ANKFN1: variants seen among roughly 807,000 people sequenced by gnomAD.
ANKFN1 encodes ankyrin repeat and fibronectin type-III domain-containing protein 1.
ANKFN1 carries 74 observed loss-of-function variants against 108.7 expected under a neutral mutation model. That is an observed-to-expected ratio of 0.68 (90% CI 0.56 to 0.83). ANKFN1 has a LOEUF of 0.83. Among genes scored for constraint, ANKFN1 ranks in the 40% least tolerant of loss-of-function variants. The probability of loss-of-function intolerance (pLI) is 0.00; values close to 1 mark genes in which losing one functional copy is unlikely to be tolerated. For synonymous variants in ANKFN1, 547 were observed against 516.2 expected, an observed-to-expected ratio of 1.06 and a Z score of -0.81; for missense variants, 1,505 against 1,382.3, an observed-to-expected ratio of 1.09 and a Z score of -1.41.
rs569703627 is a variant in ANKFN1, at chr17:56,448,972, G to T, written c.1100-107G>T. On this transcript the variant is annotated intron_variant, in intron 10 of 20. Transcript: ENST00000682825. The stretch of plus-strand genomic sequence containing the variant: ...CTCTGCATGTGCGGGGTGCTCATCC[G>T]CAGAGACTGTGGGTAGTATGAGCAA... 9.5e-6 allele frequency: 8 copies of T among 845,598 alleles called. No homozygotes were observed. The East Asian group carries it at 1.3e-4, about 14-fold the overall frequency. 52.4% of individuals were successfully genotyped at this position (845,598 alleles called of 1,614,324 possible).
intron 1 of ANKFN1, among the ~76,000 whole-genome samples, chr17:56,181,433 C>G (rs540756778): frequency 6.6e-6 from 1 of 152,282 alleles, no homozygotes; most frequent in South Asian, 2.1e-4. Flanking sequence ...AACAACCTGA[C>G]AAGGAAGGCA....
At chr17:56,447,283 A>G (rs556867157) in intron 10 of ANKFN1, among the ~76,000 whole-genome samples, 40 of 152,342 alleles carry the variant, frequency 2.6e-4, no homozygotes, top group African/African-American at 9.4e-4. Context: ...TGAGGCAAAG[A>G]GAAATTAAGT....
At chr17:56,501,559 G>A (rs10515130) in intron 20 of ANKFN1, among the ~76,000 whole-genome samples, 82,337 of 152,078 alleles carry the variant, frequency 0.54, 27,046 homozygotes, top group East Asian at 0.87. Context: ...GGAACATTCC[G>A]TAAAAAAGAA....
intron 4 of ANKFN1, among the ~76,000 whole-genome samples, chr17:56,069,822 C>T (rs1354470655): frequency 6.6e-6 from 1 of 152,152 alleles, no homozygotes; most frequent in Non-Finnish European, 1.5e-5. Context: ...AATGGCTACT[C>T]CATAGACAGA....
intron 3 of ANKFN1, among the ~76,000 whole-genome samples, chr17:56,295,068 G>A (rs1232897664): frequency 6.6e-6 from 1 of 152,214 alleles, no homozygotes; most frequent in African/African-American, 2.4e-5. Flanking sequence ...ACAAAGAGGA[G>A]ACTGTGTTAA....
rs1447575722 is a variant in ANKFN1 at position 56,511,259 on chromosome 17, G to A, written c.3431G>A (p.Ser1144Asn). 2.6e-6 allele frequency: 4 copies of A among 1,524,754 alleles called. No individual in the cohort carries two copies. The Admixed American group carries it at 7.9e-5, about 30-fold the overall frequency. 94.5% of individuals were successfully genotyped at this position (1,524,754 alleles called of 1,614,324 possible). The change falls in exon 21 of 21, where the codon AGC (serine) becomes AAC (asparagine). Residue 1144 changes from serine to asparagine, a missense_variant. Coordinates refer to ENST00000682825, the MANE Select transcript of ANKFN1 (RefSeq NM_001370326.1). Reference sequence around the variant, plus strand: ...TCTCCCATGTCAGAAATACTCAGCAGCATGCTTTAGGGAGGCCCATCCCGG... The same window carrying A: ...TCTCCCATGTCAGAAATACTCAGCAACATGCTTTAGGGAGGCCCATCCCGG... ...TASPMSEILS[S>N]ML
chr17:56,055,098 A>C (rs1298927668), intron 4 of ANKFN1, among the ~76,000 whole-genome samples: 1 of 149,592 alleles, frequency 6.7e-6, no homozygotes, highest in Non-Finnish European at 1.5e-5. Flanking sequence ...CAGGGGGTGC[A>C]TGTGGTTGTT....
At chr17:56,162,991 C>T (rs1042387233) in intron 1 of ANKFN1, among the ~76,000 whole-genome samples, 3 of 150,606 alleles carry the variant, frequency 2.0e-5, no homozygotes, top group African/African-American at 4.9e-5. Context: ...GCCGAGATCG[C>T]GCCACTGCAC....
At chr17:56,242,091 GA>G (rs751774921) in intron 3 of ANKFN1, among the ~76,000 whole-genome samples, 11 of 151,028 alleles carry the variant, frequency 7.3e-5, no homozygotes, top group Non-Finnish European at 1.2e-4. Context: ...TTAAACCACA[GA>G]AAATGAAACT....
intron 3 of ANKFN1, among the ~76,000 whole-genome samples, chr17:56,306,826 T>A (rs1312914398): frequency 6.6e-6 from 1 of 152,092 alleles, no homozygotes; most frequent in Non-Finnish European, 1.5e-5. Context: ...GACTTCAAAC[T>A]ATACTACAAG....
intron 6 of ANKFN1, among the ~76,000 whole-genome samples, chr17:56,361,255 A>G (rs1224757654): frequency 6.6e-6 from 1 of 152,156 alleles, no homozygotes; most frequent in Non-Finnish European, 1.5e-5. Flanking sequence ...GTTAAAAGGT[A>G]TCTTTGATAG....
At chr17:56,115,331 G>A (rs1383688551) in intron 4 of ANKFN1, among the ~76,000 whole-genome samples, 1 of 152,140 alleles carries the variant, frequency 6.6e-6, no homozygotes, top group Admixed American at 6.5e-5. Context: ...GTAAGCAGAT[G>A]TTAAAGTGAA....
intron 4 of ANKFN1, among the ~76,000 whole-genome samples, chr17:56,053,131 G>A (rs529206649): frequency 3.9e-5 from 6 of 152,116 alleles, no homozygotes; most frequent in Admixed American, 3.3e-4. Context: ...TAGGGGCTTT[G>A]AGCATATATT....
intron 6 of ANKFN1, among the ~76,000 whole-genome samples, chr17:56,365,111 G>A (rs1651054209): frequency 6.6e-6 from 1 of 152,118 alleles, no homozygotes; most frequent in African/African-American, 2.4e-5. Context: ...GTTGTTAGAA[G>A]GTTGTCGCTT....
At chr17:56,298,955 G>A (rs1257546805) in intron 3 of ANKFN1, among the ~76,000 whole-genome samples, 1 of 152,182 alleles carries the variant, frequency 6.6e-6, no homozygotes, top group Non-Finnish European at 1.5e-5. Flanking sequence ...CCCCATCTCA[G>A]TGATACCAGC....
intron 1 of ANKFN1, among the ~76,000 whole-genome samples, chr17:56,186,997 G>C (rs377521278): frequency 5.3e-5 from 8 of 152,216 alleles, no homozygotes; most frequent in Admixed American, 3.9e-4. Context: ...AGAAAACCTA[G>C]GCAGTACCAT....
chr17:56,161,186 G>T (rs1389956726), intron 1 of ANKFN1, among the ~76,000 whole-genome samples: 1 of 152,188 alleles, frequency 6.6e-6, no homozygotes, highest in African/African-American at 2.4e-5. Context: ...AGGATTAAAT[G>T]AGATTATGCA....
chr17:56,492,529 C>A (rs2051074162), intron 19 of ANKFN1, among the ~76,000 whole-genome samples, 176 bp downstream of exon 19: 1 of 151,912 alleles, frequency 6.6e-6, no homozygotes, highest in Non-Finnish European at 1.5e-5. Flanking sequence ...TCAAACAAAG[C>A]CTTAAGAAAA....
chr17:56,374,183 T>G (rs2046884327), intron 7 of ANKFN1, among the ~76,000 whole-genome samples: 1 of 152,300 alleles, frequency 6.6e-6, no homozygotes, highest in East Asian at 1.9e-4. Flanking sequence ...ATACCAAAAG[T>G]GAGTGTGCTA....
Sources: allele counts gnomAD v4.1 joint callset (sites outside exome capture counted in the v4.1 genomes callset), GRCh38; gene constraint gnomAD v4.1.1; transcripts MANE v1.5; gene names NCBI Gene and HGNC (gene_info 2026-07-23, HGNC 2026-07-21).